The following MMP7 variants were observed in gnomAD, a reference collection of about 807,000 sequenced individuals.
MMP7 encodes matrilysin.
MMP7 carries 26 observed loss-of-function variants against 31.5 expected under a neutral mutation model. The ratio of observed to expected loss-of-function variants is 0.83; its 90% CI spans 0.61 to 1.15. The LOEUF is 1.15. Among genes scored for constraint, MMP7 ranks in the 50% most tolerant of loss-of-function variants. The pLI, the probability that MMP7 is intolerant of heterozygous loss-of-function variation, is 0.00. For missense variants in MMP7, 367 were observed against 326.5 expected (o/e 1.12, Z -0.96); for synonymous variants, 142 against 124.2 (o/e 1.14, Z -0.95).
chr11:102,528,571 T>A (rs2070503736), intron 1 of MMP7, among the ~76,000 whole-genome samples: 1 of 152,232 alleles, frequency 6.6e-6, no homozygotes, highest in Admixed American at 6.5e-5. Context: ...GTAGCAGAAC[T>A]GGACTTGACT....
chr11:102,528,134 C>T (rs747240660), intron 1 of MMP7, 151 bp from the exon 2 acceptor site: 12 of 657,536 alleles, frequency 1.8e-5, no homozygotes, highest in Middle Eastern at 8.3e-4. Flanking sequence ...AATAAGTGTG[C>T]ATTAGTGAGG....
rs778726705 is a variant in MMP7, at chr11:102,530,706, C to T, written c.-6G>A. ...CACAGCACGGTGAGTCGCATAGCTG[C>T]CGTCCAGAGACAATTGTTCTTGGAC... On this transcript the variant is annotated 5_prime_UTR_variant, in exon 1 of 6. Coordinates refer to ENST00000260227, the MANE Select transcript of MMP7 (RefSeq NM_002423.5). 1.7e-5 allele frequency: 27 copies of T among 1,609,524 alleles called. No homozygotes were observed. Among genetic ancestry groups the T allele is most frequent in the Non-Finnish European group, 2.3e-5 (27 of 1,176,558 alleles).
rs1430442042 is a variant in MMP7, at chr11:102,530,565, A to C, written c.108+28T>G. On this transcript the variant is annotated intron_variant, in intron 1 of 5. Coordinates refer to ENST00000260227, the MANE Select transcript of MMP7 (RefSeq NM_002423.5). The stretch of plus-strand genomic sequence containing the variant: ...CTTAATGCAGATGGCAAAAGAATGG[A>C]ACCCTAAGTAAGTGGGCTGTGACAT... The C allele has an allele frequency of 6.4e-6, 10 of 1,553,596 alleles. No individual in the cohort carries two copies. The East Asian group carries it at 2.2e-4, about 35-fold the overall frequency.
chr11:102,524,037 AGG>A (rs1205526715), intron 4 of MMP7, among the ~76,000 whole-genome samples: 1 of 152,204 alleles, frequency 6.6e-6, no homozygotes, highest in Non-Finnish European at 1.5e-5. Context: ...ACTCATTGAA[AGG>A]CTTTGCAAGT....
intron 5 of MMP7, 27 bp from the exon 6 acceptor site, chr11:102,520,831 C>A: frequency 6.8e-7 from 1 of 1,473,668 alleles, no homozygotes; most frequent in South Asian, 1.2e-5. Context: ...AAAGAACATT[C>A]TGATATGTAG....
In MMP7 at chr11:102,524,980, G is replaced by A; in HGVS notation, c.569C>T (p.Ala190Val). The change falls in exon 4 of 6, where the codon GCT becomes GTT. Residue 190 changes from alanine (A) to valine (V), a missense_variant. Coordinates refer to ENST00000260227, the MANE Select transcript of MMP7 (RefSeq NM_002423.5). ...CCAGCGTTCATCCTCATCGAAGTGA[G>A]CATCTCCTCCGAGACCTGTCCCAGG... ...FAPGTGLGGD[A>V]HFDEDERWTD... is the part of the protein sequence containing the mutation. 1 of 1,614,056 alleles carries A rather than the reference G, an allele frequency of 6.2e-7. No homozygotes were observed. The highest frequency in any genetic ancestry group is 8.5e-7 in the Non-Finnish European group (1 of 1,180,002).
At chr11:102,527,228 T>C (rs189921750) in intron 3 of MMP7, 8 of 388,220 alleles carry the variant, frequency 2.1e-5, no homozygotes, top group East Asian at 1.1e-4. Context: ...CAAACAGTCA[T>C]AGGTAATAGG....
chr11:102,525,493 A>T (rs573765919), intron 3 of MMP7, among the ~76,000 whole-genome samples: 9 of 151,416 alleles, frequency 5.9e-5, no homozygotes, highest in East Asian at 3.9e-4. Context: ...AGTAGCTGAC[A>T]TTGTTATGTG....
intron 1 of MMP7, among the ~76,000 whole-genome samples, chr11:102,529,821 C>A (rs914136163): frequency 1.3e-5 from 2 of 152,178 alleles, no homozygotes; most frequent in African/African-American, 4.8e-5. Context: ...ATCTCTACCA[C>A]TAATAAGTAC....
At chr11:102,521,334 A>T (rs911335062) in intron 5 of MMP7, among the ~76,000 whole-genome samples, 2 of 152,060 alleles carry the variant, frequency 1.3e-5, no homozygotes, top group Non-Finnish European at 1.5e-5. Context: ...AGTTGCTGGG[A>T]CTACAGACAT....
intron 4 of MMP7, chr11:102,524,721 G>T: frequency 2.9e-6 from 1 of 344,140 alleles, no homozygotes; most frequent in Non-Finnish European, 4.9e-6. Flanking sequence ...CAGCAAATTG[G>T]ATCAGTGGTG....
In MMP7 at chr11:102,520,725, C is replaced by A. The variant is rs1858603148; in HGVS notation, c.*51G>T. 3 of 1,424,080 alleles carry A rather than the reference C, an allele frequency of 2.1e-6. No homozygotes were observed. Among genetic ancestry groups the A allele is most frequent in the South Asian group, 2.4e-5 (2 of 82,552 alleles). The allele number at this position is 1,424,080 out of a possible 1,614,324, so 88.2% of individuals were successfully genotyped here. A position where few individuals can be genotyped will look rare whatever the true frequency, so the allele number is the denominator to read the frequency against. On this transcript the variant is annotated 3_prime_UTR_variant, in exon 6 of 6. Coordinates refer to ENST00000260227, the MANE Select transcript of MMP7 (RefSeq NM_002423.5). ...GTGCTTATCAATTCTGATTGTGCAA[C>A]AATGATATACAATCCAATGAATGAA...
intron 4 of MMP7, among the ~76,000 whole-genome samples, chr11:102,524,069 G>T (rs141103709): frequency 6.6e-6 from 1 of 152,174 alleles, no homozygotes; most frequent in Non-Finnish European, 1.5e-5. Context: ...GTGTGAGCCC[G>T]TGCGTTTGAG....
At chr11:102,524,815 TAC>T (rs1858649953) in intron 4 of MMP7, 119 bp downstream of exon 4, 1 of 1,096,098 alleles carries the variant, frequency 9.1e-7, no homozygotes, top group Non-Finnish European at 1.2e-6. Flanking sequence ...AGGCATATAG[TAC>T]AGTGTTTGGC....
chr11:102,526,240 A>ATATT (rs1437244210), intron 3 of MMP7, among the ~76,000 whole-genome samples: 7 of 131,492 alleles, frequency 5.3e-5, no homozygotes, highest in African/African-American at 2.0e-4. Context: ...ATATATATAT[A>ATATT]TTTTTTTTTT....
At chr11:102,520,911 C>T (rs1429817723) in intron 5 of MMP7, 107 bp from the exon 6 acceptor site, 1 of 709,656 alleles carries the variant, frequency 1.4e-6, no homozygotes, top group African/African-American at 1.8e-5. Flanking sequence ...ATCTATTATT[C>T]ACTCAGACCA....
At chr11:102,530,363 C>G (rs958115068) in intron 1 of MMP7, among the ~76,000 whole-genome samples, 1 of 152,170 alleles carries the variant, frequency 6.6e-6, no homozygotes, top group Non-Finnish European at 1.5e-5. Context: ...CTTCCTGAGT[C>G]TATCTACATA....
intron 1 of MMP7, among the ~76,000 whole-genome samples, chr11:102,528,859 C>T (rs12575975): frequency 0.17 from 25,406 of 152,214 alleles, 2,611 homozygotes; most frequent in East Asian, 0.23. Flanking sequence ...TAAGCACTTA[C>T]TAGAGCCAGG....
At position 102,520,650 on chromosome 11, in the gene MMP7, C is replaced by T. The variant is rs1016972461; in HGVS notation, c.*126G>A. The stretch of plus-strand genomic sequence containing the variant: ...AAAGGAGTGAAAGACATTCAAAAAC[C>T]AACTGCAATAAAAAAGGGTGACATA... On this transcript the variant is annotated 3_prime_UTR_variant, in exon 6 of 6. Transcript: ENST00000260227. 2 of 711,988 alleles carry T rather than the reference C, an allele frequency of 2.8e-6. No individual in the cohort carries two copies. Among genetic ancestry groups the T allele is most frequent in the Non-Finnish European group, 4.5e-6 (2 of 442,756 alleles). 44.1% of individuals were successfully genotyped at this position (711,988 alleles called of 1,614,324 possible). A position where few individuals can be genotyped will look rare whatever the true frequency, so the allele number is the denominator to read the frequency against.
Sources: allele counts gnomAD v4.1 joint callset (sites outside exome capture counted in the v4.1 genomes callset), GRCh38; gene constraint gnomAD v4.1.1; transcripts MANE v1.5; gene names NCBI Gene and HGNC (gene_info 2026-07-23, HGNC 2026-07-21).